COL27A1: variants seen among roughly 807,000 people sequenced by gnomAD.
The protein encoded by COL27A1 is collagen type XXVII alpha 1 chain.
A neutral mutation model predicts 251.3 loss-of-function variants in COL27A1; 106 were observed. That is an observed-to-expected ratio of 0.42 (90% CI 0.36 to 0.50). COL27A1 has a LOEUF of 0.50. Among genes scored for constraint, COL27A1 ranks in the 20% least tolerant of loss-of-function variants. COL27A1 has a pLI of 0.00. For missense variants in COL27A1, 2,325 were observed against 2,522.8 expected (o/e 0.92, Z 1.68); for synonymous variants, 1,000 against 986.3 (o/e 1.01, Z -0.26).
At chr9:114,266,945 C>T (rs1291685556) in intron 33 of COL27A1, among the ~76,000 whole-genome samples, 1 of 152,112 alleles carries the variant, frequency 6.6e-6, no homozygotes, top group Non-Finnish European at 1.5e-5. Context: ...GGACTTTGCC[C>T]CAGCAGAGGT....
intron 39 of COL27A1, among the ~76,000 whole-genome samples, chr9:114,283,145 G>T (rs1160175479): frequency 6.6e-6 from 1 of 152,214 alleles, no homozygotes; most frequent in African/African-American, 2.4e-5. Context: ...AGGCTGGTTT[G>T]TGGTATTTGC....
chr9:114,278,355 A>ATGATGGCGGGGGTGGTGG (rs1835640595), intron 37 of COL27A1, among the ~76,000 whole-genome samples: 1 of 7,560 alleles, frequency 1.3e-4, no homozygotes. Context: ...GCTGGTGGCG[A>ATGATGGCGGGGGTGGTGG]TGGTGATAGT....
intron 7 of COL27A1, among the ~76,000 whole-genome samples, chr9:114,200,238 A>G (rs569751134): frequency 3.3e-5 from 5 of 152,054 alleles, no homozygotes; most frequent in Non-Finnish European, 7.4e-5. Context: ...TCTGCAGCCC[A>G]TACCCACTGG....
rs1038615407 is a variant in COL27A1 at position 114,193,872 on chromosome 9, G to A, written c.2017-532G>A. Among the ~76,000 whole-genome samples the A allele has an allele frequency of 3.3e-5, 5 of 152,242 alleles. 1 individual carries two copies. Among genetic ancestry groups the A allele is most frequent in the Admixed American group, 3.3e-4 (5 of 15,298 alleles). ...AGGAGACAGTCCTGGCCACGTGCAC[G>A]GGCAGAGACTGGTCACCTGGAGGAT... On this transcript the variant is annotated intron_variant, in intron 5 of 60. Transcript: ENST00000356083.
At chr9:114,170,896 T>G (rs1265435634) in intron 3 of COL27A1, among the ~76,000 whole-genome samples, 1 of 151,528 alleles carries the variant, frequency 6.6e-6, no homozygotes, top group Admixed American at 6.6e-5. Context: ...GGCGGTGAGG[T>G]CAAAAGGGGA....
chr9:114,178,375 C>G, intron 4 of COL27A1, 31 bp downstream of exon 4: 1 of 1,605,878 alleles, frequency 6.2e-7, no homozygotes, highest in Non-Finnish European at 8.5e-7. Context: ...CTTTGGAACT[C>G]TTGGTGGCTC....
At chr9:114,179,649 GC>G (rs1827736309) in intron 4 of COL27A1, among the ~76,000 whole-genome samples, 1 of 152,178 alleles carries the variant, frequency 6.6e-6, no homozygotes, top group Non-Finnish European at 1.5e-5. Flanking sequence ...TGTTTGCTGA[GC>G]CACATGTGCA....
At chr9:114,252,722 C>T (rs915033463) in intron 26 of COL27A1, 76 bp downstream of exon 26, 33 of 1,454,586 alleles carry the variant, frequency 2.3e-5, no homozygotes, top group South Asian at 4.6e-5. Context: ...CTCCATGAAC[C>T]GCTTACCCCA....
At chr9:114,211,755 AG>A (rs1402688831) in intron 12 of COL27A1, among the ~76,000 whole-genome samples, 2 of 152,208 alleles carry the variant, frequency 1.3e-5, no homozygotes, top group South Asian at 2.1e-4. Flanking sequence ...CCTAGTTGGC[AG>A]TCATATTATA....
intron 5 of COL27A1, among the ~76,000 whole-genome samples, chr9:114,187,559 C>T (rs1191150021): frequency 2.6e-5 from 4 of 152,266 alleles, no homozygotes; most frequent in African/African-American, 9.6e-5. Context: ...TTCAAACCCT[C>T]AACTGTCTGA....
At chr9:114,286,519 C>T (rs1430544931) in intron 41 of COL27A1, among the ~76,000 whole-genome samples, 3 of 152,210 alleles carry the variant, frequency 2.0e-5, no homozygotes, top group Middle Eastern at 3.4e-3. Flanking sequence ...CCCTGCTCAC[C>T]GTGGGGGTGA....
At chr9:114,239,180 C>T (rs958212061) in intron 19 of COL27A1, among the ~76,000 whole-genome samples, 1 of 152,314 alleles carries the variant, frequency 6.6e-6, no homozygotes, top group East Asian at 1.9e-4. Context: ...CTCCAGCACC[C>T]GGGTGAATTA....
intron 6 of COL27A1, among the ~76,000 whole-genome samples, chr9:114,195,385 G>T (rs899110952): frequency 6.6e-6 from 1 of 152,016 alleles, no homozygotes. Context: ...TACCCCATGA[G>T]CCAGGACAGA....
chr9:114,172,652 G>A (rs1294614348), intron 3 of COL27A1, among the ~76,000 whole-genome samples: 1 of 152,100 alleles, frequency 6.6e-6, no homozygotes, highest in East Asian at 1.9e-4. Context: ...GAATTAGCCA[G>A]GCATGGTGGT....
Position 114,250,682 on chromosome 9 carries a change from A to G in COL27A1, c.3033+14A>G. The stretch of plus-strand genomic sequence containing the variant: ...GTGGGAGAAAAGGTAAGTGGTGTTG[A>G]GGGGAAAAGATAAACAATTAGAGCT... On this transcript the variant is annotated intron_variant, in intron 25 of 60. Coordinates refer to ENST00000356083, the MANE Select transcript of COL27A1 (RefSeq NM_032888.4). 6.2e-7 allele frequency: 1 copy of G among 1,609,442 alleles called. No individual in the cohort carries two copies. The highest frequency in any genetic ancestry group is 1.1e-5 in the South Asian group (1 of 91,024).
At chr9:114,238,166 A>G (rs2135464966) in intron 19 of COL27A1, among the ~76,000 whole-genome samples, 1 of 152,352 alleles carries the variant, frequency 6.6e-6, no homozygotes, top group Middle Eastern at 3.4e-3. Flanking sequence ...GGGCTTTTGA[A>G]TGAAGAATGA....
At chr9:114,177,640 G>A (rs1309965145) in intron 3 of COL27A1, among the ~76,000 whole-genome samples, 1 of 152,140 alleles carries the variant, frequency 6.6e-6, no homozygotes, top group Admixed American at 6.5e-5. Context: ...TATTGCCTCC[G>A]TTTGTATGGG....
At position 114,211,022 on chromosome 9, in the gene COL27A1, T is replaced by C. The variant is rs768682666; in HGVS notation, c.2363T>C (p.Met788Thr). The change falls in exon 12 of 61, where the codon ATG becomes ACG. Residue 788 changes from methionine to threonine, a missense_variant. Physicochemically the swap from Met to Thr is moderately conservative, Grantham distance 81. Around this residue, in one of 4 missense-constraint regions of COL27A1, gnomAD observed 1,183 missense variants for 1,144.1 expected, o/e 1.03. Coordinates refer to ENST00000356083, the MANE Select transcript of COL27A1 (RefSeq NM_032888.4). ...GVPGKRGKMG[M>T]PGFPGVFGER... ...CCTGGCAAGAGGGGCAAGATGGGTATGCCGGTAAAGATTTTCCGTGTCTAT... is the reference window on the plus strand; with the variant it reads ...CCTGGCAAGAGGGGCAAGATGGGTACGCCGGTAAAGATTTTCCGTGTCTAT... 1.2e-6 allele frequency: 2 copies of C among 1,614,222 alleles called. No homozygotes were observed. Among genetic ancestry groups the C allele is most frequent in the South Asian group, 2.2e-5 (2 of 91,086 alleles).
chr9:114,307,721 C>T lies in COL27A1; in HGVS notation c.5160C>T (p.Val1720=), dbSNP rs747111643. Residue 1720 remains valine, a synonymous_variant, in exon 59 of 61, where the codon GTC becomes GTT. Coordinates refer to ENST00000356083, the MANE Select transcript of COL27A1 (RefSeq NM_032888.4). The stretch of plus-strand genomic sequence containing the variant: ...GCTGCTCCTCTGACACCATCGAGGT[C>T]TCCTGCAACTTCACTCATGGTGGAC... ...NLGCSSDTIE[V]SCNFTHGGQT... is the part of the protein sequence containing the mutation. The T allele has an allele frequency of 1.9e-6, 3 of 1,614,202 alleles. No individual in the cohort carries two copies. The East Asian group carries it at 6.7e-5, about 36-fold the overall frequency.
Sources: allele counts gnomAD v4.1 joint callset (sites outside exome capture counted in the v4.1 genomes callset), GRCh38; gene constraint gnomAD v4.1.1; regional missense constraint gnomAD v4.1.1; transcripts MANE v1.5; gene names NCBI Gene and HGNC (gene_info 2026-07-23, HGNC 2026-07-21).